GJD4: variants seen among roughly 807,000 people sequenced by gnomAD.
The protein encoded by GJD4 is gap junction protein delta 4, also known as gap junction delta-4 protein.
In GJD4, 18 loss-of-function variants were observed where a neutral mutation model predicts 17.9. The observed-to-expected ratio is 1.00, with a 90% CI of 0.69 to 1.49. The LOEUF (loss-of-function observed/expected upper bound fraction) is 1.49, where lower values mean the gene tolerates loss of function less well. Among genes scored for constraint, GJD4 ranks in the 40% most tolerant of loss-of-function variants. GJD4 has a pLI of 0.00. For missense variants in GJD4, 639 were observed against 506.9 expected, an observed-to-expected ratio of 1.26 and a Z score of -2.50; for synonymous variants, 293 against 236.8, an observed-to-expected ratio of 1.24 and a Z score of -2.18.
In GJD4 at chr10:35,608,336, G is replaced by A; in HGVS notation, c.823G>A (p.Ala275Thr). 6.5e-7 allele frequency: 1 copy of A among 1,549,886 alleles called. No homozygotes were observed. ...GGGTGCACGCGCCGGAGGGGAGGGG[G>A]CTGGCAGCCCCAGGCGTACATCCAG... ...PPGARAGGEGAGSPRRTSRVS... is the reference protein window; with the variant it reads ...PPGARAGGEGTGSPRRTSRVS... Residue 275 changes from alanine to threonine, a missense_variant, in exon 2 of 2, where the codon GCT becomes ACT. Coordinates refer to ENST00000321660, the MANE Select transcript of GJD4 (RefSeq NM_153368.3).
chr10:35,605,633 T>C lies in GJD4; in HGVS notation c.64+2T>C, dbSNP rs995150678. 6.2e-7 allele frequency: 1 copy of C among 1,610,992 alleles called. No individual in the cohort carries two copies. Among genetic ancestry groups the C allele is most frequent in the African/African-American group, 1.3e-5 (1 of 74,976 alleles). ...TAAACTGCAACGTGACCATGGTGGG[T>C]GAGTATTGGGACCATCTCCAAACTC... On this transcript the variant is annotated splice_donor_variant, in intron 1 of 1. Transcript: ENST00000321660. LOFTEE classifies it high-confidence loss of function.
chr10:35,608,259 G>T lies in GJD4; in HGVS notation c.746G>T (p.Arg249Leu). The T allele has an allele frequency of 6.4e-7, 1 of 1,573,458 alleles. No homozygotes were observed. The highest frequency in any genetic ancestry group is 8.6e-7 in the Non-Finnish European group (1 of 1,165,098). The change falls in exon 2 of 2, where the codon CGC becomes CTC. Residue 249 changes from arginine to leucine, a missense_variant. By Grantham distance (102) the Arg-to-Leu change is moderately radical (BLOSUM62 -2). Transcript: ENST00000321660. The stretch of plus-strand genomic sequence containing the variant: ...GGAGCCTCAGGCCACGCGGAGGGAC[G>T]CCGGACTGACGAGGAGGGTGGGCGG... ...QSGASGHAEG[R>L]RTDEEGGREE...
Position 35,605,503 on chromosome 10 carries a change from G to T in GJD4, c.-65G>T. 8.0e-7 allele frequency: 1 copy of T among 1,249,584 alleles called. No homozygotes were observed. Among genetic ancestry groups the T allele is most frequent in the Admixed American group, 1.7e-5 (1 of 59,216 alleles). The allele number at this position is 1,249,584 out of a possible 1,614,324, so 77.4% of individuals were successfully genotyped here. On this transcript the variant is annotated 5_prime_UTR_variant, in exon 1 of 2. Coordinates refer to ENST00000321660, the MANE Select transcript of GJD4 (RefSeq NM_153368.3). ...TTATGTAGTTAAAGGACATTTATCC[G>T]CCTCCTTGGAGAACACAGCCCTCCA...
chr10:35,607,454 A>G, intron 1 of GJD4, 124 bp from the exon 2 acceptor site: 1 of 688,418 alleles, frequency 1.5e-6, no homozygotes, highest in Non-Finnish European at 2.5e-6. Context: ...AAACAAACAG[A>G]AAACTAAAGA....
rs1835442538 is a variant in GJD4 at position 35,605,400 on chromosome 10, A to T, written c.-168A>T. ...AGGCAAACGGCTTAGGGCCGTCTCA[A>T]CTTGGAGACAGAAAAACCCACCTCC... On this transcript the variant is annotated 5_prime_UTR_variant, in exon 1 of 2. Transcript: ENST00000321660. The T allele has an allele frequency of 1.5e-6, 1 of 663,810 alleles. No homozygotes were observed. Among genetic ancestry groups the T allele is most frequent in the Non-Finnish European group, 2.7e-6 (1 of 370,658 alleles). 41.1% of individuals were successfully genotyped at this position (663,810 alleles called of 1,614,324 possible). A position where few individuals can be genotyped will look rare whatever the true frequency, so the allele number is the denominator to read the frequency against.
rs1384055309 is a variant in GJD4 at position 35,608,123 on chromosome 10, G to C, written c.610G>C (p.Val204Leu). 34 of 1,609,758 alleles carry C rather than the reference G, an allele frequency of 2.1e-5. No homozygotes were observed. The highest frequency in any genetic ancestry group is 2.7e-5 in the Non-Finnish European group (32 of 1,178,956). Residue 204 changes from valine (V) to leucine (L), a missense_variant, in exon 2 of 2, where the codon GTC (valine) becomes CTC (leucine). Transcript: ENST00000321660. ...KSLLMLFLWA[V>L]SALSFLLGLA... Reference sequence around the variant, plus strand: ...CCTGCTGATGCTGTTCCTCTGGGCGGTCAGCGCGCTGTCTTTTCTGCTGGG... The same window carrying C: ...CCTGCTGATGCTGTTCCTCTGGGCGCTCAGCGCGCTGTCTTTTCTGCTGGG...
At position 35,605,577 on chromosome 10, in the gene GJD4, G is replaced by A. The variant is rs369621128; in HGVS notation, c.10G>A (p.Val4Met). The change falls in exon 1 of 2, where the codon GTG becomes ATG. Residue 4 changes from valine to methionine, a missense_variant. Val to Met is a conservative substitution (Grantham distance 21). Coordinates refer to ENST00000321660, the MANE Select transcript of GJD4 (RefSeq NM_153368.3). MEG[V>M]DLLGFLIITL... ...GGGACATTCTGGAAGCATGGAAGGCGTGGACTTGCTAGGGTTTCTCATCAT... is the reference window on the plus strand; with the variant it reads ...GGGACATTCTGGAAGCATGGAAGGCATGGACTTGCTAGGGTTTCTCATCAT... The A allele has an allele frequency of 1.2e-4, 194 of 1,613,666 alleles. No individual in the cohort carries two copies. The highest frequency in any genetic ancestry group is 1.6e-4 in the Non-Finnish European group (193 of 1,179,700).
Position 35,608,827 on chromosome 10 carries a change from A to C in GJD4, c.*201A>C. On this transcript the variant is annotated 3_prime_UTR_variant, in exon 2 of 2. Transcript: ENST00000321660. ...GTGGCTCCCTCCTGTAGTCCCAGCTACTTGGGAGGCTGAGATGGGAGGACC... is the reference window on the plus strand; with the variant it reads ...GTGGCTCCCTCCTGTAGTCCCAGCTCCTTGGGAGGCTGAGATGGGAGGACC... 2.1e-6 allele frequency: 1 copy of C among 466,782 alleles called. No homozygotes were observed. The highest frequency in any genetic ancestry group is 3.5e-5 in the East Asian group (1 of 28,196). 28.9% of individuals were successfully genotyped at this position (466,782 alleles called of 1,614,324 possible).
At chr10:35,606,338 C>G (rs1835454456) in intron 1 of GJD4, 1 of 152,152 alleles carries the variant, frequency 6.6e-6, no homozygotes, top group African/African-American at 2.4e-5. Flanking sequence ...AGTTACCACG[C>G]CTGGCCTGGA....
At chr10:35,605,749 GAAAGTCCACCCACTCCCAA>G in intron 1 of GJD4, 118 bp downstream of exon 1, 1 of 761,268 alleles carries the variant, frequency 1.3e-6, no homozygotes, top group Non-Finnish European at 2.2e-6. Context: ...GCACCAAGCT[GAAAGTCCACCCACTCCCAA>G]AAGAAAGGGC....
At position 35,608,756 on chromosome 10, in the gene GJD4, A is replaced by C; in HGVS notation, c.*130A>C. Reference sequence around the variant, plus strand: ...GTTTGAGACCAGCCTGGACAACATAATGAGACCCTCGTCTCTACAAAATAT... The same window carrying C: ...GTTTGAGACCAGCCTGGACAACATACTGAGACCCTCGTCTCTACAAAATAT... On this transcript the variant is annotated 3_prime_UTR_variant, in exon 2 of 2. Coordinates refer to ENST00000321660, the MANE Select transcript of GJD4 (RefSeq NM_153368.3). The C allele has an allele frequency of 1.6e-6, 1 of 632,104 alleles. No homozygotes were observed. Among genetic ancestry groups the C allele is most frequent in the African/African-American group, 1.9e-5 (1 of 51,672 alleles). 39.2% of individuals were successfully genotyped at this position (632,104 alleles called of 1,614,324 possible).
At position 35,608,077 on chromosome 10, in the gene GJD4, G is replaced by T. The variant is rs143962024; in HGVS notation, c.564G>T (p.Val188=). 9.9e-6 allele frequency: 16 copies of T among 1,609,038 alleles called. No individual in the cohort carries two copies. The African/African-American group carries it at 1.9e-4, about 19-fold the overall frequency. ...GCACGGGCGTGGTGGACTGCTACGT[G>T]TCGCGGCCCACAGAGAAGTCCCTGC... ...PPCTGVVDCY[V]SRPTEKSLLM... The change falls in exon 2 of 2, where the codon GTG becomes GTT. Residue 188 remains valine (V), a synonymous_variant. Coordinates refer to ENST00000321660, the MANE Select transcript of GJD4 (RefSeq NM_153368.3).
chr10:35,605,659 C>G, intron 1 of GJD4, 28 bp downstream of exon 1: 1 of 1,562,790 alleles, frequency 6.4e-7, no homozygotes, highest in Non-Finnish European at 8.8e-7. Flanking sequence ...CTCCAAACTC[C>G]TGCGCTGTTT....
intron 1 of GJD4, chr10:35,605,903 C>A: frequency 2.2e-6 from 1 of 463,750 alleles, no homozygotes; most frequent in South Asian, 3.5e-5. Flanking sequence ...TGTGCTGACA[C>A]TGGGGTGCTG....
chr10:35,608,171 C>T lies in GJD4; in HGVS notation c.658C>T (p.Leu220=), dbSNP rs760523540. ...GGGCCTCGCCGACCTGGTCTGCAGCCTGCGGCGGCGGATGCGCAGGAGGCC... is the reference window on the plus strand; with the variant it reads ...GGGCCTCGCCGACCTGGTCTGCAGCTTGCGGCGGCGGATGCGCAGGAGGCC... The part of the protein sequence containing the change: ...LLGLADLVCS[L]RRRMRRRPGP... The change falls in exon 2 of 2, where the codon CTG becomes TTG. Residue 220 remains leucine, a synonymous_variant. Coordinates refer to ENST00000321660, the MANE Select transcript of GJD4 (RefSeq NM_153368.3). The T allele has an allele frequency of 8.7e-6, 14 of 1,602,022 alleles. No individual in the cohort carries two copies. The highest frequency in any genetic ancestry group is 2.3e-5 in the East Asian group (1 of 44,442).
chr10:35,607,856 C>T lies in GJD4; in HGVS notation c.343C>T (p.Arg115Trp), dbSNP rs762445530. 3 of 1,598,866 alleles carry T rather than the reference C, an allele frequency of 1.9e-6. No homozygotes were observed. The highest frequency in any genetic ancestry group is 2.7e-5 in the African/African-American group (2 of 74,662). ...ALGPRRCPDP[R>W]EPASGQRRCP... ...GGGCCCCCGCCGCTGCCCCGACCCC[C>T]GGGAGCCGGCCTCCGGGCAGAGACG... The change falls in exon 2 of 2, where the codon CGG (arginine) becomes TGG (tryptophan). Residue 115 changes from arginine (R) to tryptophan (W), a missense_variant. Arg to Trp is a moderately radical substitution (Grantham distance 101). Coordinates refer to ENST00000321660, the MANE Select transcript of GJD4 (RefSeq NM_153368.3).
chr10:35,607,327 T>C lies in GJD4; in HGVS notation c.65-251T>C. ...GCTGACAGGTGTGGTGGCTCATGCC[T>C]GTAATCCCAGCTACTCAAGAGGCCA... On this transcript the variant is annotated intron_variant, in intron 1 of 1. Coordinates refer to ENST00000321660, the MANE Select transcript of GJD4 (RefSeq NM_153368.3). 7 of 539,024 alleles carry C rather than the reference T, an allele frequency of 1.3e-5. No individual in the cohort carries two copies. The South Asian group carries it at 1.6e-4, about 12-fold the overall frequency. The allele number at this position is 539,024 out of a possible 1,614,324, so 33.4% of individuals were successfully genotyped here.
chr10:35,605,663 G>A (rs766090936), intron 1 of GJD4, 32 bp downstream of exon 1: 48 of 1,545,998 alleles, frequency 3.1e-5, no homozygotes, highest in South Asian at 2.0e-4. Context: ...AAACTCCTGC[G>A]CTGTTTTTAT....
In GJD4 at chr10:35,607,831, G is replaced by A. The variant is rs1332636162; in HGVS notation, c.318G>A (p.Leu106=). The A allele has an allele frequency of 1.3e-6, 2 of 1,597,698 alleles. No homozygotes were observed. Among genetic ancestry groups the A allele is most frequent in the East Asian group, 2.2e-5 (1 of 44,564 alleles). Residue 106 remains leucine (L), a synonymous_variant, in exon 2 of 2, where the codon CTG becomes CTA. Coordinates refer to ENST00000321660, the MANE Select transcript of GJD4 (RefSeq NM_153368.3). ...VLHRGATLAA[L]GPRRCPDPRE... is the part of the protein sequence containing the mutation. ...ACCGAGGAGCCACGCTCGCCGCGCT[G>A]GGCCCCCGCCGCTGCCCCGACCCCC...
Sources: allele counts gnomAD v4.1 joint callset, GRCh38; gene constraint gnomAD v4.1.1; transcripts MANE v1.5; gene names NCBI Gene and HGNC (gene_info 2026-07-23, HGNC 2026-07-21).